The following CYSLTR2 variants were observed in gnomAD, a reference collection of about 807,000 sequenced individuals.
CYSLTR2 encodes the protein cysteinyl leukotriene receptor 2.
For synonymous variants in CYSLTR2, 179 were observed against 160.8 expected (o/e 1.11, Z -0.86); for missense variants, 398 against 411.9 (o/e 0.97, Z 0.29).
At chr13:48,664,339 T>G (rs1049048769) in intron 1 of CYSLTR2, among the ~76,000 whole-genome samples, 1 of 152,066 alleles carries the variant, frequency 6.6e-6, no homozygotes, top group Non-Finnish European at 1.5e-5. Context: ...TATGCTGGCT[T>G]CATAGAATGA....
At chr13:48,654,292 TGTGTGTGTGTGTGA>T (rs770931296) in intron 1 of CYSLTR2, among the ~76,000 whole-genome samples, 8,633 of 98,060 alleles carry the variant, frequency 0.088, 324 homozygotes, top group African/African-American at 0.18. Context: ...TGTGTGTGTG[TGTGTGTGTGTGTGA>T]GTGTGTGTGT....
At chr13:48,669,458 T>G (rs946319535) in intron 1 of CYSLTR2, among the ~76,000 whole-genome samples, 1 of 151,934 alleles carries the variant, frequency 6.6e-6, no homozygotes, top group Non-Finnish European at 1.5e-5. Flanking sequence ...CCCCAGTGTG[T>G]GATGTTCCCC....
intron 1 of CYSLTR2, among the ~76,000 whole-genome samples, chr13:48,682,377 A>C (rs2036429970): frequency 6.6e-6 from 1 of 152,126 alleles, no homozygotes; most frequent in African/African-American, 2.4e-5. Flanking sequence ...CGCTTTCCTG[A>C]GTCAGGCTCA....
At chr13:48,686,591 A>G (rs938236809) in intron 1 of CYSLTR2, among the ~76,000 whole-genome samples, 6 of 152,180 alleles carry the variant, frequency 3.9e-5, no homozygotes, top group Non-Finnish European at 8.8e-5. Context: ...GTTCTTTTCT[A>G]GATGTCCAAT....
intron 4 of CYSLTR2, among the ~76,000 whole-genome samples, chr13:48,699,212 A>G (rs974986107): frequency 6.6e-6 from 1 of 152,212 alleles, no homozygotes; most frequent in African/African-American, 2.4e-5. Flanking sequence ...AAGTCAACAG[A>G]ATATACATTC....
At chr13:48,690,985 C>G (rs563892399) in intron 1 of CYSLTR2, among the ~76,000 whole-genome samples, 2 of 152,092 alleles carry the variant, frequency 1.3e-5, no homozygotes, top group South Asian at 4.1e-4. Flanking sequence ...CAGGACTAAT[C>G]CCAAATCAAA....
At chr13:48,664,079 G>C (rs574416328) in intron 1 of CYSLTR2, among the ~76,000 whole-genome samples, 1 of 151,922 alleles carries the variant, frequency 6.6e-6, no homozygotes, top group Admixed American at 6.6e-5. Flanking sequence ...ATCTATTGAG[G>C]ATCATATGGC....
chr13:48,659,345 G>A (rs1190727895), intron 1 of CYSLTR2, among the ~76,000 whole-genome samples: 3 of 152,192 alleles, frequency 2.0e-5, no homozygotes, highest in Non-Finnish European at 4.4e-5. Flanking sequence ...GAGATGTTGA[G>A]TACTTTCTGA....
intron 1 of CYSLTR2, among the ~76,000 whole-genome samples, chr13:48,675,575 G>A (rs1371942171): frequency 6.8e-6 from 1 of 147,972 alleles, no homozygotes; most frequent in African/African-American, 2.6e-5. Context: ...TTAGCTTGCT[G>A]GGCTTTGTGG....
intron 4 of CYSLTR2, among the ~76,000 whole-genome samples, chr13:48,701,460 T>C (rs1346315944): frequency 6.6e-6 from 1 of 152,212 alleles, no homozygotes; most frequent in Middle Eastern, 3.2e-3. Context: ...ATCTCTTCCT[T>C]ACACCTTACA....
chr13:48,702,216 C>T (rs906050277), intron 4 of CYSLTR2, among the ~76,000 whole-genome samples: 17 of 138,450 alleles, frequency 1.2e-4, no homozygotes, highest in African/African-American at 4.7e-4. Context: ...ACAATGAGAA[C>T]ACTTGGACAC....
At chr13:48,682,005 T>C (rs954417229) in intron 1 of CYSLTR2, among the ~76,000 whole-genome samples, 6 of 152,194 alleles carry the variant, frequency 3.9e-5, no homozygotes, top group African/African-American at 1.2e-4. Context: ...AGGGCAAGAC[T>C]GTCCTTTTCA....
At position 48,698,620 on chromosome 13, in the gene CYSLTR2, G is replaced by A. The variant is rs555892111; in HGVS notation, c.-2+1994G>A. Among the ~76,000 whole-genome samples, 670 of 152,250 alleles carry A rather than the reference G, an allele frequency of 4.4e-3. 3 individuals are homozygous for A. The highest frequency in any genetic ancestry group is 0.014 in the Middle Eastern group (4 of 294). On this transcript the variant is annotated intron_variant, in intron 4 of 4. Transcript: ENST00000682523. The stretch of plus-strand genomic sequence containing the variant: ...AGGAAGAAACTGCATCAACTAACAA[G>A]CAAAATAACCAGCTAACATCATAAT...
At chr13:48,696,370 G>A (rs543826472) in intron 3 of CYSLTR2, among the ~76,000 whole-genome samples, 156 bp from the exon 4 acceptor site, 127 of 152,222 alleles carry the variant, frequency 8.3e-4, no homozygotes, top group African/African-American at 3.0e-3. Context: ...TCTTAGCAGA[G>A]TATTTTGTGG....
Position 48,710,568 on chromosome 13 carries a change from A to G in CYSLTR2, c.*2710A>G, listed in dbSNP as rs964016172. On this transcript the variant is annotated 3_prime_UTR_variant, in exon 5 of 5. Coordinates refer to ENST00000682523, the MANE Select transcript of CYSLTR2 (RefSeq NM_001308476.3). The stretch of plus-strand genomic sequence containing the variant: ...TGTGAAAGTTCTTGACTTAATAAGG[A>G]AAGAAAAAAAACACATGCTGAAGTT... 1.3e-5 allele frequency: 2 copies of G among 152,226 alleles called. No individual in the cohort carries two copies. The highest frequency in any genetic ancestry group is 2.9e-5 in the Non-Finnish European group (2 of 68,042). The allele number at this position is 152,226 out of a possible 1,614,324, so 9.4% of individuals were successfully genotyped here. A position where few individuals can be genotyped will look rare whatever the true frequency, so the allele number is the denominator to read the frequency against.
intron 1 of CYSLTR2, among the ~76,000 whole-genome samples, chr13:48,658,221 C>T (rs1329469884): frequency 6.6e-6 from 1 of 152,096 alleles, no homozygotes; most frequent in East Asian, 1.9e-4. Context: ...ATCTGGGTAC[C>T]CTCTGTGGCT....
rs1279336067 is a variant in CYSLTR2, at chr13:48,707,415, A to G, written c.598A>G (p.Thr200Ala). Residue 200 changes from threonine to alanine, a missense_variant, in exon 5 of 5, where the codon ACC becomes GCC. Physicochemically the swap from Thr to Ala is moderately conservative, Grantham distance 58. Coordinates refer to ENST00000682523, the MANE Select transcript of CYSLTR2 (RefSeq NM_001308476.3). ...TCTCTATAAAATTGCTAAGCTGCAG[A>G]CCATGAACTATATTGCCTTGGTGGT... ...LNLYKIAKLQ[T>A]MNYIALVVGC... 8 of 1,614,000 alleles carry G rather than the reference A, an allele frequency of 5.0e-6. No homozygotes were observed. Among genetic ancestry groups the G allele is most frequent in the Non-Finnish European group, 6.8e-6 (8 of 1,180,026 alleles).
Position 48,707,527 on chromosome 13 carries a change from G to A in CYSLTR2, c.710G>A (p.Gly237Glu), listed in dbSNP as rs1239993898. ...TTAAAAGTGGAGGTCCCAGAATCGGGGCTGCGGGTTTCTCACAGGAAGGCA... is the reference window on the plus strand; with the variant it reads ...TTAAAAGTGGAGGTCCCAGAATCGGAGCTGCGGGTTTCTCACAGGAAGGCA... ...VLLKVEVPES[G>E]LRVSHRKALT... is the part of the protein sequence containing the mutation. The change falls in exon 5 of 5, where the codon GGG becomes GAG. Residue 237 changes from glycine (G) to glutamate (E), a missense_variant. By Grantham distance (98) the Gly-to-Glu change is moderately conservative. Coordinates refer to ENST00000682523, the MANE Select transcript of CYSLTR2 (RefSeq NM_001308476.3). 6.2e-7 allele frequency: 1 copy of A among 1,609,344 alleles called. No homozygotes were observed. Among genetic ancestry groups the A allele is most frequent in the South Asian group, 1.1e-5 (1 of 91,076 alleles).
intron 4 of CYSLTR2, among the ~76,000 whole-genome samples, chr13:48,706,204 C>A (rs1954483073): frequency 6.6e-6 from 1 of 152,070 alleles, no homozygotes; most frequent in Non-Finnish European, 1.5e-5. Flanking sequence ...CCATGTTGGC[C>A]AGACTGGTCT....
Sources: allele counts gnomAD v4.1 joint callset (sites outside exome capture counted in the v4.1 genomes callset), GRCh38; gene constraint gnomAD v4.1.1; transcripts MANE v1.5; gene names NCBI Gene and HGNC (gene_info 2026-07-23, HGNC 2026-07-21).